Variants in KIF13A observed in about 807,000 individuals in gnomAD.
The protein encoded by KIF13A is kinesin-like protein KIF13A.
KIF13A carries 79 observed loss-of-function variants against 212.2 expected under a neutral mutation model. That is an observed-to-expected ratio of 0.37 (90% CI 0.31 to 0.45). The LOEUF (loss-of-function observed/expected upper bound fraction) is 0.45. Ranked by LOEUF, KIF13A falls within the 20% of genes least tolerant of loss-of-function variation. KIF13A has a pLI of 1.00. For synonymous variants in KIF13A, 789 were observed against 808.6 expected (o/e 0.98, Z 0.41); for missense variants, 1,901 against 2,209.0 (o/e 0.86, Z 2.79).
intron 3 of KIF13A, among the ~76,000 whole-genome samples, chr6:17,885,756 C>A (rs1771485051): frequency 6.6e-6 from 1 of 152,222 alleles, no homozygotes; most frequent in Admixed American, 6.5e-5. Flanking sequence ...TTTAACACTG[C>A]ACACATAAAC....
At chr6:17,779,257 A>ATTTT (rs3076205) in intron 32 of KIF13A, among the ~76,000 whole-genome samples, 158 bp from the exon 33 acceptor site, 12 of 37,818 alleles carry the variant, frequency 3.2e-4, no homozygotes, top group African/African-American at 6.9e-4. Flanking sequence ...ATATATATAT[A>ATTTT]TTTTTTTTTT....
chr6:17,873,285 G>C (rs890472574), intron 4 of KIF13A, 92 bp downstream of exon 4: 6 of 822,906 alleles, frequency 7.3e-6, no homozygotes, highest in South Asian at 6.7e-5. Context: ...ATTACACAGG[G>C]AAAGTAAAAC....
chr6:17,811,127 C>A lies in KIF13A; in HGVS notation c.2001-2197G>T, dbSNP rs892731570. On this transcript the variant is annotated intron_variant, in intron 17 of 38. Transcript: ENST00000259711. The surrounding 1 kb of genome is among the most constrained non-coding windows in gnomAD (Gnocchi z 6.0). ...TTACTTTCTCTCTGCTGGTCAAACT[C>A]TACCTCTCAAATGCACTTGAAATCA... is the stretch of plus-strand genomic sequence containing the variant. Among the ~76,000 whole-genome samples the A allele has an allele frequency of 6.6e-6, 1 of 152,222 alleles. No individual in the cohort carries two copies. Among genetic ancestry groups the A allele is most frequent in the Non-Finnish European group, 1.5e-5 (1 of 68,048 alleles).
Position 17,828,294 on chromosome 6 carries a change from T to G in KIF13A, c.1478A>C (p.Glu493Ala). 6.2e-7 allele frequency: 1 copy of G among 1,610,698 alleles called. No homozygotes were observed. Among genetic ancestry groups the G allele is most frequent in the Non-Finnish European group, 8.5e-7 (1 of 1,178,294 alleles). The change falls in exon 14 of 39, where the codon GAG becomes GCG. Residue 493 changes from glutamate (E) to alanine (A), a missense_variant. Around this residue, in one of 5 missense-constraint regions of KIF13A, gnomAD observed 506 missense variants for 637.4 expected, o/e 0.79. Coordinates refer to ENST00000259711, the MANE Select transcript of KIF13A (RefSeq NM_022113.6). The surrounding 1 kb of genome is among the most constrained non-coding windows in gnomAD (Gnocchi z 4.3). ...GTCTCCATCAGATGCAATGTCAATC[T>G]CACAGTGCTGAGGCTGAATTCCTAT... ...FGIGIQPQHCEIDIASDGDVT... is the reference protein window; with the variant it reads ...FGIGIQPQHCAIDIASDGDVT...
Position 17,828,165 on chromosome 6 carries a change from A to T in KIF13A, c.1532+75T>A. ...CTTAACTTTAATATAGCTGAAAGCA[A>T]ACAGAAAGAGGCAGCCTTCTCCTTC... On this transcript the variant is annotated intron_variant, in intron 14 of 38. Transcript: ENST00000259711. The surrounding 1 kb of genome is among the most constrained non-coding windows in gnomAD (Gnocchi z 4.3). 1.4e-6 allele frequency: 2 copies of T among 1,470,394 alleles called. No homozygotes were observed. Among genetic ancestry groups the T allele is most frequent in the South Asian group, 1.3e-5 (1 of 75,626 alleles). 91.1% of individuals were successfully genotyped at this position (1,470,394 alleles called of 1,614,324 possible).
At chr6:17,767,276 C>A (rs1199855271) in intron 38 of KIF13A, among the ~76,000 whole-genome samples, 6 of 145,322 alleles carry the variant, frequency 4.1e-5, no homozygotes, top group African/African-American at 1.3e-4. Context: ...TTTTTTGAGA[C>A]GAAGTCTCAC....
At position 17,837,350 on chromosome 6, in the gene KIF13A, T is replaced by C. The variant is rs1766060003; in HGVS notation, c.942+122A>G. On this transcript the variant is annotated intron_variant, in intron 10 of 38. Coordinates refer to ENST00000259711, the MANE Select transcript of KIF13A (RefSeq NM_022113.6). The surrounding 1 kb of genome is among the most constrained non-coding windows in gnomAD (Gnocchi z 5.4). The stretch of plus-strand genomic sequence containing the variant: ...AGTTTTCATTCTGTGTTCCTAGGAA[T>C]TAGAATAACTGTCATCAGGAGAGTT... The C allele has an allele frequency of 1.4e-6, 1 of 710,448 alleles. No homozygotes were observed. Among genetic ancestry groups the C allele is most frequent in the Non-Finnish European group, 2.4e-6 (1 of 418,164 alleles). 44.0% of individuals were successfully genotyped at this position (710,448 alleles called of 1,614,324 possible). A position where few individuals can be genotyped will look rare whatever the true frequency, so the allele number is the denominator to read the frequency against.
At chr6:17,878,908 C>T (rs1770811808) in intron 3 of KIF13A, among the ~76,000 whole-genome samples, 1 of 152,154 alleles carries the variant, frequency 6.6e-6, no homozygotes, top group Admixed American at 6.5e-5. Flanking sequence ...AAGAGCAGCA[C>T]CCTTTGAACT....
intron 2 of KIF13A, among the ~76,000 whole-genome samples, chr6:17,944,876 G>T (rs895320198): frequency 3.3e-5 from 5 of 152,036 alleles, no homozygotes; most frequent in African/African-American, 1.2e-4. Flanking sequence ...GACAAAAAAA[G>T]ATATCAGAAT....
At chr6:17,944,707 A>G (rs1777237231) in intron 2 of KIF13A, among the ~76,000 whole-genome samples, 1 of 152,064 alleles carries the variant, frequency 6.6e-6, no homozygotes, top group South Asian at 2.1e-4. Flanking sequence ...TAAAGAAAAT[A>G]TTTCTATTTA....
Position 17,799,144 on chromosome 6 carries a change from G to T in KIF13A, c.2790+122C>A, listed in dbSNP as rs977663312. 11 of 532,110 alleles carry T rather than the reference G, an allele frequency of 2.1e-5. No individual in the cohort carries two copies. The highest frequency in any genetic ancestry group is 2.4e-5 in the Non-Finnish European group (8 of 330,706). The allele number at this position is 532,110 out of a possible 1,614,324, so 33.0% of individuals were successfully genotyped here. ...TGCATTTGTAATGAGGTACATTTTT[G>T]AGGTTAAAACATCTAATAAACATAT... On this transcript the variant is annotated intron_variant, in intron 22 of 38. Coordinates refer to ENST00000259711, the MANE Select transcript of KIF13A (RefSeq NM_022113.6). This position sits in a 1 kb window ranked among gnomAD's most constrained non-coding sequence, Gnocchi z 4.4.
chr6:17,790,494 A>T (rs145121874), intron 25 of KIF13A, among the ~76,000 whole-genome samples: 117 of 152,350 alleles, frequency 7.7e-4, no homozygotes, highest in African/African-American at 2.7e-3. Flanking sequence ...TCATACAGAC[A>T]GCTGATATGT....
At chr6:17,907,900 A>G (rs1476557964) in intron 2 of KIF13A, among the ~76,000 whole-genome samples, 4 of 152,198 alleles carry the variant, frequency 2.6e-5, no homozygotes, top group Non-Finnish European at 5.9e-5. Flanking sequence ...AATGGGAATG[A>G]CATGGCCAGA....
intron 4 of KIF13A, among the ~76,000 whole-genome samples, chr6:17,860,839 C>T (rs964473858): frequency 1.3e-5 from 2 of 152,082 alleles, no homozygotes; most frequent in African/African-American, 2.4e-5. Flanking sequence ...CATAAGACTA[C>T]AGTAGGCCTT....
In KIF13A at chr6:17,772,152, G is replaced by T; in HGVS notation, c.4325-93C>A. ...CAATGACCCAGCCATGGGAATATCT[G>T]GGAGAACAATGAAATTCATAGGCTA... On this transcript the variant is annotated intron_variant, in intron 36 of 38. Transcript: ENST00000259711. The surrounding 1 kb of genome is among the most constrained non-coding windows in gnomAD (Gnocchi z 4.8). The T allele has an allele frequency of 8.3e-7, 1 of 1,202,448 alleles. No individual in the cohort carries two copies. 74.5% of individuals were successfully genotyped at this position (1,202,448 alleles called of 1,614,324 possible). A position where few individuals can be genotyped will look rare whatever the true frequency, so the allele number is the denominator to read the frequency against.
chr6:17,855,411 A>T lies in KIF13A; in HGVS notation c.494+26T>A. ...TTTAAAATTATCTCCCCCTATTAAC[A>T]CACTTAATCTTGACCACTAACTTAC... On this transcript the variant is annotated intron_variant, in intron 6 of 38. Transcript: ENST00000259711. This position sits in a 1 kb window ranked among gnomAD's most constrained non-coding sequence, Gnocchi z 4.1. 1.9e-6 allele frequency: 3 copies of T among 1,542,588 alleles called. No individual in the cohort carries two copies. Among genetic ancestry groups the T allele is most frequent in the Non-Finnish European group, 2.6e-6 (3 of 1,135,528 alleles).
intron 38 of KIF13A, among the ~76,000 whole-genome samples, chr6:17,766,550 T>G (rs1288985501): frequency 6.6e-6 from 1 of 152,036 alleles, no homozygotes; most frequent in Non-Finnish European, 1.5e-5. Context: ...GATTTATTTA[T>G]TTTTATTTAT....
chr6:17,792,069 G>A (rs1248270952), intron 25 of KIF13A, among the ~76,000 whole-genome samples: 1 of 151,824 alleles, frequency 6.6e-6, no homozygotes, highest in Non-Finnish European at 1.5e-5. Flanking sequence ...CAGGTGCGTT[G>A]GCAGGTGCCC....
chr6:17,863,201 A>T (rs2150417307), intron 4 of KIF13A, among the ~76,000 whole-genome samples: 1 of 152,222 alleles, frequency 6.6e-6, no homozygotes, highest in African/African-American at 2.4e-5. Flanking sequence ...CCATTTAAAA[A>T]ATATTACCGA....
Sources: gnomAD v4.1 joint callset for allele counts (sites outside exome capture counted in the v4.1 genomes callset) on GRCh38, gnomAD v4.1.1 for gene constraint, gnomAD v4.1.1 regional missense constraint, Gnocchi (gnomAD v3.1) non-coding constraint, MANE v1.5 for transcripts, NCBI Gene and HGNC (gene_info 2026-07-23, HGNC 2026-07-21) for gene names.